The following PRKG1 variants were observed in gnomAD, a reference collection of about 807,000 sequenced individuals.
PRKG1 encodes the protein cGMP-dependent protein kinase 1.
PRKG1 carries 35 observed loss-of-function variants against 88.1 expected under a neutral mutation model. The observed-to-expected ratio is 0.40, with a 90% CI of 0.30 to 0.53. The LOEUF (loss-of-function observed/expected upper bound fraction) is 0.53. Among genes scored for constraint, PRKG1 ranks in the 20% least tolerant of loss-of-function variants. The probability of loss-of-function intolerance (pLI) is 0.59; values close to 1 mark genes in which losing one functional copy is unlikely to be tolerated. For synonymous variants in PRKG1, 303 were observed against 292.5 expected, an observed-to-expected ratio of 1.04 and a Z score of -0.37; for missense variants, 540 against 839.8, an observed-to-expected ratio of 0.64 and a Z score of 4.41.
chr10:51,855,322 T>C lies in PRKG1; in HGVS notation c.698+50632T>C, dbSNP rs150484667. Reference sequence around the variant, plus strand: ...TATATCAGACAATCTGATTTTCTATTCTAGAGTAACTGGAGATCTTCTTGC... The same window carrying C: ...TATATCAGACAATCTGATTTTCTATCCTAGAGTAACTGGAGATCTTCTTGC... On this transcript the variant is annotated intron_variant, in intron 4 of 17. Coordinates refer to ENST00000373980, the MANE Select transcript of PRKG1 (RefSeq NM_006258.4). Among the ~76,000 whole-genome samples the C allele has an allele frequency of 1.8e-3, 273 of 152,280 alleles. 1 individual carries two copies. In the Middle Eastern group the frequency reaches 0.02, roughly 11 times the overall value.
At chr10:52,049,192 A>G (rs2133244160) in intron 5 of PRKG1, among the ~76,000 whole-genome samples, 1 of 152,296 alleles carries the variant, frequency 6.6e-6, no homozygotes, top group South Asian at 2.1e-4. Flanking sequence ...TACAAAGTGA[A>G]TGGGGTCGGA....
At chr10:51,251,053 T>A (rs1291590389) in intron 2 of PRKG1, among the ~76,000 whole-genome samples, 2 of 151,822 alleles carry the variant, frequency 1.3e-5, no homozygotes, top group Non-Finnish European at 2.9e-5. Context: ...TGATATTATG[T>A]CTTAAATAAG....
chr10:51,443,520 C>A (rs1839180324), intron 2 of PRKG1, among the ~76,000 whole-genome samples: 1 of 151,922 alleles, frequency 6.6e-6, no homozygotes, highest in Non-Finnish European at 1.5e-5. Context: ...CAGAATGTAT[C>A]AACTCTAATA....
chr10:51,538,353 A>G (rs1012277685), intron 3 of PRKG1, among the ~76,000 whole-genome samples: 1 of 144,854 alleles, frequency 6.9e-6, no homozygotes, highest in African/African-American at 2.5e-5. Flanking sequence ...GTATATTATG[A>G]TATATGATGT....
chr10:51,341,644 T>C (rs1039329038), intron 2 of PRKG1, among the ~76,000 whole-genome samples: 9 of 152,156 alleles, frequency 5.9e-5, no homozygotes, highest in Non-Finnish European at 1.0e-4. Flanking sequence ...CTCCTGGCAC[T>C]TGATATTTGA....
chr10:51,445,537 C>CA (rs1839246720), intron 2 of PRKG1, among the ~76,000 whole-genome samples: 1 of 150,818 alleles, frequency 6.6e-6, no homozygotes. Flanking sequence ...AATATAACAA[C>CA]AACAACAACA....
intron 3 of PRKG1, among the ~76,000 whole-genome samples, chr10:51,719,139 T>C (rs1841954190): frequency 7.6e-6 from 1 of 131,804 alleles, no homozygotes; most frequent in East Asian, 2.0e-4. Context: ...GACAGAGCAA[T>C]ATCCTGTCTC....
At chr10:51,620,476 A>C (rs1363880411) in intron 3 of PRKG1, among the ~76,000 whole-genome samples, 1 of 152,044 alleles carries the variant, frequency 6.6e-6, no homozygotes, top group East Asian at 1.9e-4. Flanking sequence ...TAGGTAATGG[A>C]AAAATACAGT....
intron 3 of PRKG1, among the ~76,000 whole-genome samples, chr10:51,565,800 GA>G (rs35112135): frequency 0.07 from 10,503 of 150,372 alleles, 1,179 homozygotes; most frequent in African/African-American, 0.24. Flanking sequence ...TACTTTTGGT[GA>G]AAAAAAAATG....
chr10:52,241,567 C>G (rs1416883180), intron 9 of PRKG1, among the ~76,000 whole-genome samples: 1 of 152,116 alleles, frequency 6.6e-6, no homozygotes, highest in Non-Finnish European at 1.5e-5. Flanking sequence ...TATTGTTTGA[C>G]CCACTACAAC....
chr10:51,833,466 T>C (rs1169224950), intron 4 of PRKG1, among the ~76,000 whole-genome samples: 5 of 152,322 alleles, frequency 3.3e-5, no homozygotes, highest in Admixed American at 3.3e-4. Flanking sequence ...TTATAAATGA[T>C]GCAACTGAGG....
At chr10:51,593,697 C>G (rs1589114499) in intron 3 of PRKG1, among the ~76,000 whole-genome samples, 1 of 151,350 alleles carries the variant, frequency 6.6e-6, no homozygotes, top group South Asian at 2.1e-4. Flanking sequence ...TTGTGTGTTA[C>G]TAGAAAAGTA....
chr10:51,239,882 AG>A (rs1420300936), intron 2 of PRKG1, among the ~76,000 whole-genome samples: 1 of 152,222 alleles, frequency 6.6e-6, no homozygotes, highest in Non-Finnish European at 1.5e-5. Context: ...CCACCTTTAT[AG>A]GGCCAATATG....
Position 52,271,442 on chromosome 10 carries a change from C to T in PRKG1, c.1266C>T (p.Arg422=). 1 of 1,613,048 alleles carries T rather than the reference C, an allele frequency of 6.2e-7. No homozygotes were observed. Among genetic ancestry groups the T allele is most frequent in the Non-Finnish European group, 8.5e-7 (1 of 1,179,402 alleles). Residue 422 remains arginine, a synonymous_variant, in exon 11 of 18, where the codon CGC becomes CGT. Transcript: ENST00000373980. ...IVDTRQQEHI[R]SEKQIMQGAH... The stretch of plus-strand genomic sequence containing the variant: ...ACACAAGACAGCAGGAGCACATCCG[C>T]TCAGAGAAGCAGATCATGCAGGGGG...
intron 9 of PRKG1, among the ~76,000 whole-genome samples, chr10:52,246,880 A>AAC (rs1841037152): frequency 6.7e-6 from 1 of 149,026 alleles, no homozygotes; most frequent in African/African-American, 2.5e-5. Context: ...CAGTCTCAAA[A>AAC]AAAAAAAAAA....
chr10:51,689,185 G>A (rs1172338062), intron 3 of PRKG1, among the ~76,000 whole-genome samples: 1 of 152,056 alleles, frequency 6.6e-6, no homozygotes, highest in East Asian at 1.9e-4. Flanking sequence ...TTTATCAGCA[G>A]CATGAAAACA....
chr10:52,203,926 G>A (rs777112279), intron 9 of PRKG1, among the ~76,000 whole-genome samples: 5 of 152,036 alleles, frequency 3.3e-5, no homozygotes, highest in Non-Finnish European at 5.9e-5. Context: ...CATGTGAGAT[G>A]GGTCACTTGA....
chr10:51,275,699 A>G (rs554470976), intron 2 of PRKG1, among the ~76,000 whole-genome samples: 2 of 152,308 alleles, frequency 1.3e-5, no homozygotes, highest in East Asian at 1.9e-4. Flanking sequence ...CATTCCCTGT[A>G]TATACAATCT....
chr10:51,025,678 C>T (rs187393158), intron 1 of PRKG1, among the ~76,000 whole-genome samples: 4 of 152,150 alleles, frequency 2.6e-5, no homozygotes, highest in Admixed American at 6.5e-5. Flanking sequence ...GATCTCGATG[C>T]AGCCACCTCT....
Sources: gnomAD v4.1 joint callset for allele counts (sites outside exome capture counted in the v4.1 genomes callset) on GRCh38, gnomAD v4.1.1 for gene constraint, MANE v1.5 for transcripts, NCBI Gene and HGNC (gene_info 2026-07-23, HGNC 2026-07-21) for gene names.